Variants in PARD3B observed in about 807,000 individuals in gnomAD.
PARD3B encodes the protein partitioning defective 3 homolog B.
PARD3B carries 103 observed loss-of-function variants against 130.2 expected under a neutral mutation model. The ratio of observed to expected loss-of-function variants is 0.79; its 90% CI spans 0.67 to 0.93. The LOEUF (loss-of-function observed/expected upper bound fraction) is 0.93, where lower values mean the gene tolerates loss of function less well. Among genes scored for constraint, PARD3B ranks in the 40% least tolerant of loss-of-function variants. PARD3B has a pLI of 0.00. For missense variants in PARD3B, 1,609 were observed against 1,499.2 expected (o/e 1.07, Z -1.21); for synonymous variants, 583 against 553.2 (o/e 1.05, Z -0.76).
At chr2:205,049,362 A>G (rs927691586) in intron 4 of PARD3B, among the ~76,000 whole-genome samples, 4 of 151,978 alleles carry the variant, frequency 2.6e-5, no homozygotes, top group African/African-American at 9.7e-5. Context: ...GGGGGAAGAA[A>G]CTCTTATAAA....
intron 2 of PARD3B, among the ~76,000 whole-genome samples, chr2:204,772,881 G>T (rs2041449426): frequency 6.6e-6 from 1 of 151,988 alleles, no homozygotes; most frequent in South Asian, 2.1e-4. Context: ...AGTGGTTAGG[G>T]CAGTTTTGAA....
chr2:205,249,975 T>C (rs2125927136), intron 16 of PARD3B, among the ~76,000 whole-genome samples: 1 of 151,372 alleles, frequency 6.6e-6, no homozygotes, highest in East Asian at 1.9e-4. Context: ...TTTTTAACAG[T>C]AAAACCATTT....
intron 1 of PARD3B, among the ~76,000 whole-genome samples, chr2:204,549,515 A>G (rs1250797198): frequency 1.3e-5 from 2 of 152,206 alleles, no homozygotes; most frequent in Non-Finnish European, 2.9e-5. Context: ...TAAACATTTT[A>G]AACATTACAA....
chr2:205,373,717 T>C (rs1394720249), intron 18 of PARD3B, among the ~76,000 whole-genome samples: 1 of 152,232 alleles, frequency 6.6e-6, no homozygotes, highest in East Asian at 1.9e-4. Context: ...AGTCCTTAAA[T>C]ACGTTGTTGA....
At chr2:204,572,547 C>T (rs898658225) in intron 1 of PARD3B, among the ~76,000 whole-genome samples, 2 of 152,032 alleles carry the variant, frequency 1.3e-5, no homozygotes, top group African/African-American at 4.8e-5. Context: ...GCTTTTTAAC[C>T]TATATTTTAG....
At chr2:204,913,782 G>C (rs1445621340) in intron 2 of PARD3B, among the ~76,000 whole-genome samples, 1 of 152,164 alleles carries the variant, frequency 6.6e-6, no homozygotes, top group African/African-American at 2.4e-5. Context: ...TATACATTTT[G>C]TTCAATGTAT....
chr2:205,546,333 G>T (rs1464549152), intron 21 of PARD3B, among the ~76,000 whole-genome samples: 2 of 152,002 alleles, frequency 1.3e-5, no homozygotes, highest in Non-Finnish European at 2.9e-5. Flanking sequence ...ACACTGTTGT[G>T]TAAAAGGCTA....
intron 2 of PARD3B, among the ~76,000 whole-genome samples, chr2:204,875,259 C>T (rs2045792068): frequency 6.6e-6 from 1 of 152,188 alleles, no homozygotes; most frequent in Admixed American, 6.5e-5. Context: ...TCTCCATTCC[C>T]AATCTATATA....
intron 19 of PARD3B, among the ~76,000 whole-genome samples, chr2:205,424,885 T>C (rs1304307116): frequency 6.6e-6 from 1 of 152,194 alleles, no homozygotes; most frequent in Non-Finnish European, 1.5e-5. Context: ...GTTTGCTTTC[T>C]GCTTTGGTCT....
intron 2 of PARD3B, among the ~76,000 whole-genome samples, chr2:204,713,325 A>G (rs1239489849): frequency 6.6e-6 from 1 of 151,412 alleles, no homozygotes; most frequent in Non-Finnish European, 1.5e-5. Context: ...TTAATGCCGC[A>G]AAACCGTATA....
chr2:204,864,517 T>A (rs12328369), intron 2 of PARD3B, among the ~76,000 whole-genome samples: 11,315 of 152,212 alleles, frequency 0.074, 972 homozygotes, highest in African/African-American at 0.21. Flanking sequence ...TCAGAATCTT[T>A]CTTAGAATTA....
At chr2:204,696,270 A>G (rs574879488) in intron 2 of PARD3B, among the ~76,000 whole-genome samples, 27 of 152,068 alleles carry the variant, frequency 1.8e-4, no homozygotes, top group Admixed American at 3.9e-4. Flanking sequence ...TTAACGGAAG[A>G]AAAAAACGGA....
intron 21 of PARD3B, among the ~76,000 whole-genome samples, chr2:205,506,940 G>C (rs2050388585): frequency 6.6e-6 from 1 of 152,170 alleles, no homozygotes; most frequent in Non-Finnish European, 1.5e-5. Flanking sequence ...CCTCCAGACA[G>C]GCCATTAGGA....
intron 2 of PARD3B, among the ~76,000 whole-genome samples, chr2:204,747,380 T>G (rs1488866941): frequency 2.6e-5 from 4 of 152,266 alleles, no homozygotes; most frequent in South Asian, 4.1e-4. Flanking sequence ...ACAAGGGATG[T>G]GAAGGACCTC....
chr2:205,231,171 G>A (rs1180107865), intron 15 of PARD3B, among the ~76,000 whole-genome samples: 1 of 151,968 alleles, frequency 6.6e-6, no homozygotes, highest in African/African-American at 2.4e-5. Flanking sequence ...GTTCAATTCG[G>A]TGTGCTTGTG....
intron 19 of PARD3B, among the ~76,000 whole-genome samples, chr2:205,402,198 G>A (rs921518425): frequency 6.6e-6 from 1 of 152,210 alleles, no homozygotes; most frequent in Non-Finnish European, 1.5e-5. Flanking sequence ...GATAAGCTGA[G>A]TTCTAAGGTC....
At chr2:204,869,689 T>C (rs1297386877) in intron 2 of PARD3B, among the ~76,000 whole-genome samples, 1 of 152,094 alleles carries the variant, frequency 6.6e-6, no homozygotes, top group Non-Finnish European at 1.5e-5. Context: ...TACATTGGGC[T>C]GAGACATGGA....
intron 18 of PARD3B, among the ~76,000 whole-genome samples, chr2:205,398,913 C>G (rs764765242): frequency 6.6e-6 from 1 of 152,148 alleles, no homozygotes. Flanking sequence ...CTCTGATTCT[C>G]TGTGTGTGTG....
chr2:205,232,833 T>C (rs555128658), intron 15 of PARD3B, among the ~76,000 whole-genome samples: 45 of 152,104 alleles, frequency 3.0e-4, no homozygotes, highest in African/African-American at 1.1e-3. Context: ...ATACACACAG[T>C]AGAAATATAC....
Sources: gnomAD v4.1 joint callset for allele counts (sites outside exome capture counted in the v4.1 genomes callset) on GRCh38, gnomAD v4.1.1 for gene constraint, MANE v1.5 for transcripts, NCBI Gene and HGNC (gene_info 2026-07-23, HGNC 2026-07-21) for gene names.